ATG4A: variants seen among roughly 807,000 people sequenced by gnomAD.
ATG4A encodes autophagy related 4A cysteine peptidase.
Under a neutral mutation model 38.4 loss-of-function variants are expected in ATG4A, and 22 were observed. The ratio of observed to expected loss-of-function variants is 0.57; its 90% CI spans 0.41 to 0.82. The LOEUF (loss-of-function observed/expected upper bound fraction) is 0.82. Among genes scored for constraint, ATG4A ranks in the 40% least tolerant of loss-of-function variants. The pLI, the probability that ATG4A is intolerant of heterozygous loss-of-function variation, is 0.00. For missense variants in ATG4A, 220 were observed against 290.0 expected, an observed-to-expected ratio of 0.76 and a Z score of 1.75; for synonymous variants, 86 against 100.7, an observed-to-expected ratio of 0.85 and a Z score of 0.88.
chrX:108,114,192 C>CT (rs2032443228), intron 1 of ATG4A, among the ~76,000 whole-genome samples: 1 of 111,678 alleles, frequency 9.0e-6, no homozygotes, highest in African/African-American at 3.3e-5. Context: ...AATTAAAGTA[C>CT]TTTTTTTATT....
intron 9 of ATG4A, among the ~76,000 whole-genome samples, chrX:108,141,060 G>GTATATA (rs1569311688): frequency 6.7e-5 from 2 of 30,024 alleles, no homozygotes; most frequent in Non-Finnish European, 1.1e-4. Flanking sequence ...ATATATACGT[G>GTATATA]TATATATATA....
chrX:108,149,061 C>T (rs2033512916), intron 9 of ATG4A, among the ~76,000 whole-genome samples: 1 of 112,628 alleles, frequency 8.9e-6, no homozygotes, highest in Non-Finnish European at 1.9e-5. Context: ...AGTGGTTTGT[C>T]CTTGGTTTAT....
chrX:108,126,823 C>T (rs1457982044), intron 2 of ATG4A: 1 of 913,768 alleles, frequency 1.1e-6, no homozygotes, highest in Admixed American at 3.0e-5. Flanking sequence ...TAACCTGAAA[C>T]TGCTAACAGC....
chrX:108,106,359 A>G (rs1435648556), intron 1 of ATG4A, among the ~76,000 whole-genome samples: 1 of 111,776 alleles, frequency 8.9e-6, no homozygotes, highest in East Asian at 2.8e-4. Flanking sequence ...TTTTAAAAAT[A>G]TTTTTCCCAT....
intron 1 of ATG4A, among the ~76,000 whole-genome samples, chrX:108,100,806 G>T (rs1278741928): frequency 9.0e-6 from 1 of 111,504 alleles, no homozygotes; most frequent in African/African-American, 3.3e-5. Flanking sequence ...GCTCATATTT[G>T]CTGGGGATAT....
intron 12 of ATG4A, 144 bp from the exon 13 acceptor site, chrX:108,153,498 T>C: frequency 2.1e-6 from 1 of 483,647 alleles, no homozygotes; most frequent in South Asian, 3.8e-5. Flanking sequence ...TGGCAGTAGT[T>C]CTAATTGTAA....
chrX:108,141,823 T>A (rs894928983), intron 9 of ATG4A, among the ~76,000 whole-genome samples: 3 of 111,768 alleles, frequency 2.7e-5, no homozygotes, highest in Non-Finnish European at 3.8e-5. Flanking sequence ...TATCTTTTTT[T>A]AAAAAATTTT....
At chrX:108,151,722 A>G (rs2033591992) in intron 10 of ATG4A, 80 bp from the exon 11 acceptor site, 3 of 1,007,959 alleles carry the variant, frequency 3.0e-6, no homozygotes, top group Non-Finnish European at 1.4e-6. Flanking sequence ...AGACTGGCCC[A>G]CATCCTAATT....
intron 1 of ATG4A, 44 bp downstream of exon 1, chrX:108,091,880 G>A: frequency 8.3e-7 from 1 of 1,209,679 alleles, no homozygotes; most frequent in Non-Finnish European, 1.1e-6. Context: ...AAGAGCCGGG[G>A]TGGGTAGTCG....
chrX:108,126,038 T>C, intron 1 of ATG4A, 39 bp from the exon 2 acceptor site: 1 of 952,927 alleles, frequency 1.0e-6, no homozygotes, highest in Non-Finnish European at 1.5e-6. Flanking sequence ...GATAAGCCCC[T>C]TCTATTAAAT....
intron 9 of ATG4A, among the ~76,000 whole-genome samples, chrX:108,146,612 G>C (rs955703723): frequency 1.8e-5 from 2 of 111,843 alleles, no homozygotes; most frequent in African/African-American, 6.5e-5. Context: ...ACTCTTCGAA[G>C]ATGCATGTTC....
chrX:108,149,305 C>T (rs1447745227), intron 9 of ATG4A, among the ~76,000 whole-genome samples: 1 of 112,636 alleles, frequency 8.9e-6, no homozygotes, highest in African/African-American at 3.2e-5. Context: ...GCTGGGGTAC[C>T]TCTTAGGCAC....
At chrX:108,152,116 C>T in intron 11 of ATG4A, 2 of 279,681 alleles carry the variant, frequency 7.2e-6, no homozygotes, top group Non-Finnish European at 1.3e-5. Flanking sequence ...AATGTTTTAT[C>T]TCATTAATAG....
chrX:108,129,569 CTT>C (rs764613277), intron 3 of ATG4A, among the ~76,000 whole-genome samples: 8 of 96,170 alleles, frequency 8.3e-5, no homozygotes, highest in Non-Finnish European at 1.3e-4. Flanking sequence ...TCTTTTCTTT[CTT>C]TTTTTTTTTT....
intron 4 of ATG4A, among the ~76,000 whole-genome samples, chrX:108,133,528 A>G (rs1416903208): frequency 8.9e-6 from 1 of 112,482 alleles, no homozygotes; most frequent in Non-Finnish European, 1.9e-5. Context: ...ACAGCATGCA[A>G]TTTTTTTAAG....
At chrX:108,142,694 G>T (rs2033334082) in intron 9 of ATG4A, among the ~76,000 whole-genome samples, 1 of 110,812 alleles carries the variant, frequency 9.0e-6, no homozygotes, top group Non-Finnish European at 1.9e-5. Context: ...AAAGATGTAG[G>T]CTGGGAGGCT....
At chrX:108,131,905 A>AT (rs1198737768) in intron 4 of ATG4A, among the ~76,000 whole-genome samples, 113 of 104,246 alleles carry the variant, frequency 1.1e-3, no homozygotes, top group Non-Finnish European at 1.5e-3. Context: ...TGTTGGAACT[A>AT]TTTTTTTTTT....
At chrX:108,132,322 G>A (rs1020074596) in intron 4 of ATG4A, among the ~76,000 whole-genome samples, 37 of 112,339 alleles carry the variant, frequency 3.3e-4, no homozygotes, top group African/African-American at 7.4e-4. Context: ...TTGGACTTGG[G>A]GATGAGAGAG....
At chrX:108,148,805 T>A (rs1161971583) in intron 9 of ATG4A, among the ~76,000 whole-genome samples, 1 of 112,162 alleles carries the variant, frequency 8.9e-6, no homozygotes, top group African/African-American at 3.2e-5. Flanking sequence ...GGGAAAAACA[T>A]CTACCTTGAC....
Sources: allele counts gnomAD v4.1 joint callset (sites outside exome capture counted in the v4.1 genomes callset), GRCh38; gene constraint gnomAD v4.1.1; transcripts MANE v1.5; gene names NCBI Gene and HGNC (gene_info 2026-07-23, HGNC 2026-07-21).